HERC3: variants seen among roughly 807,000 people sequenced by gnomAD.
The protein encoded by HERC3 is HECT and RLD domain containing E3 ubiquitin protein ligase 3, also known as probable E3 ubiquitin-protein ligase HERC3.
Under a neutral mutation model 129.9 loss-of-function variants are expected in HERC3, and 58 were observed. The ratio of observed to expected loss-of-function variants is 0.45; its 90% confidence interval spans 0.36 to 0.56. The LOEUF is 0.56. Among genes scored for constraint, HERC3 ranks in the 20% least tolerant of loss-of-function variants. HERC3 has a pLI of 0.00. For missense variants in HERC3, 835 were observed against 1,244.2 expected (o/e 0.67, Z 4.95); for synonymous variants, 430 against 451.0 (o/e 0.95, Z 0.59).
chr4:88,534,956 G>T, the HERC3 span, among the ~76,000 whole-genome samples: 5 of 152,154 alleles, frequency 3.3e-5, no homozygotes, highest in African/African-American at 1.2e-4. Flanking sequence ...TATTGTAAAA[G>T]CTCTTTTATT....
chr4:88,591,064 ATT>A (rs539127563), upstream of HERC3, among the ~76,000 whole-genome samples: 1 of 150,124 alleles, frequency 6.7e-6, no homozygotes, highest in Non-Finnish European at 1.5e-5. Context: ...TAATTTTGGT[ATT>A]TTTTTTTGTA....
Position 88,649,921 on chromosome 4 carries a change from G to A in HERC3, c.308G>A (p.Gly103Asp), listed in dbSNP as rs1250132066. 1.2e-6 allele frequency: 2 copies of A among 1,613,954 alleles called. No individual in the cohort carries two copies. Among genetic ancestry groups the A allele is most frequent in the South Asian group, 2.2e-5 (2 of 91,084 alleles). The change falls in exon 4 of 26, where the codon GGC becomes GAC. Residue 103 changes from glycine to aspartate, a missense_variant. Coordinates refer to ENST00000402738, the MANE Select transcript of HERC3 (RefSeq NM_014606.3). ...CACAGTCTGGCCCTCAGTGACCGAGGCCAGCTGTTTTCTTGGGGTGCAGGG... is the reference window on the plus strand; with the variant it reads ...CACAGTCTGGCCCTCAGTGACCGAGACCAGCTGTTTTCTTGGGGTGCAGGG... Reference protein sequence around the residue: ...ESHSLALSDRGQLFSWGAGSD... With the variant: ...ESHSLALSDRDQLFSWGAGSD...
chr4:88,550,009 A>T, the HERC3 span, among the ~76,000 whole-genome samples: 1 of 152,204 alleles, frequency 6.6e-6, no homozygotes, highest in Non-Finnish European at 1.5e-5. Context: ...AAACTTTAGC[A>T]GGGAAGGGGA....
At chr4:88,590,411 T>C (rs976749464), upstream of HERC3, among the ~76,000 whole-genome samples, 1 of 146,952 alleles carries the variant, frequency 6.8e-6, no homozygotes, top group African/African-American at 2.5e-5. Context: ...ATACAAAAAT[T>C]AGCCGGGCGT....
At chr4:88,561,417 G>A in the HERC3 span, among the ~76,000 whole-genome samples, 1 of 151,974 alleles carries the variant, frequency 6.6e-6, no homozygotes. Flanking sequence ...GGGGTACATG[G>A]GATATTTTGA....
chr4:88,583,159 C>T, the HERC3 span, among the ~76,000 whole-genome samples: 4 of 152,096 alleles, frequency 2.6e-5, no homozygotes, highest in Non-Finnish European at 5.9e-5. Flanking sequence ...GAAAGTAGGC[C>T]AGGCATGGTG....
chr4:88,545,430 C>CCTT, the HERC3 span, among the ~76,000 whole-genome samples: 227 of 110,392 alleles, frequency 2.1e-3, 10 homozygotes, highest in East Asian at 7.1e-3. Context: ...TTTGAGAATT[C>CCTT]TTTTTTTTTT....
the HERC3 span, among the ~76,000 whole-genome samples, chr4:88,558,262 G>A: frequency 1.3e-5 from 2 of 151,912 alleles, no homozygotes; most frequent in Non-Finnish European, 1.5e-5. Flanking sequence ...AGTGCCCCTC[G>A]ACCAATGAGT....
chr4:88,655,039 C>A (rs2149277407), intron 7 of HERC3, 135 bp from the exon 8 acceptor site: 1 of 703,258 alleles, frequency 1.4e-6, no homozygotes. Flanking sequence ...AACATCCTTA[C>A]AAAGTGATTT....
chr4:88,545,494 G>A, the HERC3 span, among the ~76,000 whole-genome samples: 2 of 146,316 alleles, frequency 1.4e-5, no homozygotes, highest in East Asian at 2.1e-4. Context: ...GTGCAGTGGC[G>A]CAGTCATGGC....
the HERC3 span, among the ~76,000 whole-genome samples, chr4:88,578,251 A>G: frequency 6.6e-6 from 1 of 152,214 alleles, no homozygotes; most frequent in Admixed American, 6.5e-5. Context: ...AAATGTATCT[A>G]TTGAGCCTCC....
At chr4:88,531,792 GAC>G in the HERC3 span, among the ~76,000 whole-genome samples, 1 of 152,350 alleles carries the variant, frequency 6.6e-6, no homozygotes, top group South Asian at 2.1e-4. Flanking sequence ...GGTTCTGACA[GAC>G]ACAGGATTTG....
chr4:88,677,996 C>T lies in HERC3; in HGVS notation c.2058C>T (p.Val686=), dbSNP rs1169530371. The part of the protein sequence containing the change: ...VAVNGANLQN[V]FMLLTLEPLL... Reference sequence around the variant, plus strand: ...TCAATGGAGCCAACCTGCAGAATGTCTTCATGCTTCTCACCCTGGAGCCTC... The same window carrying T: ...TCAATGGAGCCAACCTGCAGAATGTTTTCATGCTTCTCACCCTGGAGCCTC... Residue 686 remains valine, a synonymous_variant, in exon 19 of 26, where the codon GTC becomes GTT. Coordinates refer to ENST00000402738, the MANE Select transcript of HERC3 (RefSeq NM_014606.3). 5 of 1,613,382 alleles carry T rather than the reference C, an allele frequency of 3.1e-6. No homozygotes were observed. The Admixed American group carries it at 6.7e-5, about 22-fold the overall frequency.
intron 21 of HERC3, among the ~76,000 whole-genome samples, chr4:88,682,353 G>C (rs1732872828): frequency 6.6e-6 from 1 of 151,732 alleles, no homozygotes; most frequent in Non-Finnish European, 1.5e-5. Flanking sequence ...TTAAGTTTTA[G>C]GATACATGTG....
chr4:88,594,086 CAA>C (rs973504453), intron 1 of HERC3, among the ~76,000 whole-genome samples: 1 of 152,182 alleles, frequency 6.6e-6, no homozygotes, highest in African/African-American at 2.4e-5. Flanking sequence ...GCATGAAAAA[CAA>C]AATTAGCACA....
At chr4:88,638,372 C>G (rs1479656047) in intron 3 of HERC3, among the ~76,000 whole-genome samples, 1 of 152,192 alleles carries the variant, frequency 6.6e-6, no homozygotes, top group Non-Finnish European at 1.5e-5. Context: ...AATCCAGCAG[C>G]ACATCAAAAA....
chr4:88,595,891 C>G (rs1722326081), intron 2 of HERC3, among the ~76,000 whole-genome samples: 2 of 147,122 alleles, frequency 1.4e-5, no homozygotes, highest in Admixed American at 6.9e-5. Context: ...GGCTGTCGCC[C>G]ACGCTGGAGT....
chr4:88,617,294 A>G (rs1725014779), intron 3 of HERC3, among the ~76,000 whole-genome samples: 1 of 150,878 alleles, frequency 6.6e-6, no homozygotes, highest in Non-Finnish European at 1.5e-5. Context: ...GAAGAGGGTT[A>G]TAAGGTTCTA....
At chr4:88,577,535 T>C in the HERC3 span, among the ~76,000 whole-genome samples, 1 of 140,990 alleles carries the variant, frequency 7.1e-6, no homozygotes. Context: ...CACATATATA[T>C]TTGACTAAAC....
Sources: allele counts gnomAD v4.1 joint callset (sites outside exome capture counted in the v4.1 genomes callset), GRCh38; gene constraint gnomAD v4.1.1; transcripts MANE v1.5; gene names NCBI Gene and HGNC (gene_info 2026-07-23, HGNC 2026-07-21).